Variants in RCL1 observed in about 807,000 individuals in gnomAD.
RCL1 encodes RNA 3'-terminal phosphate cyclase-like protein.
A neutral mutation model predicts 42.4 loss-of-function variants in RCL1; 24 were observed. The observed-to-expected ratio is 0.57, with a 90% CI of 0.41 to 0.80. The LOEUF is 0.80. Ranked by LOEUF, RCL1 falls within the 30% of genes least tolerant of loss-of-function variation. The probability of loss-of-function intolerance (pLI) is 0.00; values close to 1 mark genes in which losing one functional copy is unlikely to be tolerated. For missense variants in RCL1, 578 were observed against 467.9 expected, an observed-to-expected ratio of 1.24 and a Z score of -2.17; for synonymous variants, 228 against 177.3, an observed-to-expected ratio of 1.29 and a Z score of -2.27.
chr9:4,841,057 TATA>T (rs1365556002), intron 5 of RCL1, 172 bp from the exon 6 acceptor site: 1 of 661,846 alleles, frequency 1.5e-6, no homozygotes, highest in Non-Finnish European at 2.5e-6. Flanking sequence ...CATGACCTTT[TATA>T]ATAATGAAAA....
At chr9:4,794,250 C>T (rs1369137241) in intron 1 of RCL1, among the ~76,000 whole-genome samples, 1 of 152,194 alleles carries the variant, frequency 6.6e-6, no homozygotes, top group Non-Finnish European at 1.5e-5. Context: ...CTCTGCCTCT[C>T]TTGGGTGGTG....
rs749534979 is a variant in RCL1, at chr9:4,844,603, C to T, written c.789C>T (p.Pro263=). 1 of 1,614,070 alleles carries T rather than the reference C, an allele frequency of 6.2e-7. No individual in the cohort carries two copies. The highest frequency in any genetic ancestry group is 1.3e-5 in the African/African-American group (1 of 75,052). ...TCAGTGCTGAACTGGCCTCCAACCCCCAGGGCCAGGGAGCAGCAGTACTTC... is the reference window on the plus strand; with the variant it reads ...TCAGTGCTGAACTGGCCTCCAACCCTCAGGGCCAGGGAGCAGCAGTACTTC... ...TFLSAELASN[P]QGQGAAVLPE... The change falls in exon 7 of 9, where the codon CCC becomes CCT. Residue 263 remains proline, a synonymous_variant. Transcript: ENST00000381750.
intron 1 of RCL1, among the ~76,000 whole-genome samples, chr9:4,802,525 A>T (rs1404306542): frequency 1.3e-5 from 2 of 152,200 alleles, no homozygotes; most frequent in Non-Finnish European, 2.9e-5. Flanking sequence ...TTTTCCCCAG[A>T]TGAAATATTA....
At chr9:4,842,403 GA>G (rs1457565077) in intron 6 of RCL1, among the ~76,000 whole-genome samples, 1 of 152,170 alleles carries the variant, frequency 6.6e-6, no homozygotes, top group Non-Finnish European at 1.5e-5. Context: ...AGGCCCAATG[GA>G]AAGATGAAGG....
chr9:4,805,682 G>A (rs1815923494), intron 1 of RCL1, among the ~76,000 whole-genome samples: 1 of 152,134 alleles, frequency 6.6e-6, no homozygotes, highest in African/African-American at 2.4e-5. Flanking sequence ...AGTGGTGGGT[G>A]TAGCTGAGGG....
intron 7 of RCL1, among the ~76,000 whole-genome samples, chr9:4,845,002 C>G (rs1378622353): frequency 6.6e-6 from 1 of 152,154 alleles, no homozygotes; most frequent in Admixed American, 6.6e-5. Context: ...ACACACTGCC[C>G]TAGCCAAAGA....
chr9:4,809,413 G>A (rs866547595), intron 1 of RCL1, among the ~76,000 whole-genome samples: 6 of 151,850 alleles, frequency 4.0e-5, no homozygotes, highest in Admixed American at 2.6e-4. Context: ...GGATTCAAGC[G>A]ATTCCCCTGC....
At position 4,801,700 on chromosome 9, in the gene RCL1, G is replaced by A. The variant is rs990078849; in HGVS notation, c.136+8473G>A. Among the ~76,000 whole-genome samples, 9 of 150,144 alleles carry A rather than the reference G, an allele frequency of 6.0e-5. No homozygotes were observed. The South Asian group carries it at 6.3e-4, about 10-fold the overall frequency. On this transcript the variant is annotated intron_variant, in intron 1 of 8. Coordinates refer to ENST00000381750, the MANE Select transcript of RCL1 (RefSeq NM_005772.5). ...GAACTCTTTGCCTAGCTTTAGGTGC[G>A]AGACTTGGGTTGCGATTCTTTTTTT...
intron 3 of RCL1, among the ~76,000 whole-genome samples, chr9:4,828,337 C>A (rs911670081): frequency 1.3e-5 from 2 of 152,034 alleles, no homozygotes; most frequent in African/African-American, 2.4e-5. Context: ...GCTGTGAGCC[C>A]CAAAGTAGAG....
At chr9:4,836,454 T>A (rs372847286) in intron 5 of RCL1, among the ~76,000 whole-genome samples, 2 of 152,138 alleles carry the variant, frequency 1.3e-5, no homozygotes, top group African/African-American at 4.8e-5. Flanking sequence ...ATACATGTAC[T>A]GTGTAGGACA....
chr9:4,856,456 TA>T (rs1236049837), intron 8 of RCL1, among the ~76,000 whole-genome samples: 1 of 152,240 alleles, frequency 6.6e-6, no homozygotes, highest in Non-Finnish European at 1.5e-5. Flanking sequence ...TTACTGAGGC[TA>T]AATTCTATTC....
intron 8 of RCL1, among the ~76,000 whole-genome samples, chr9:4,855,320 G>A (rs1817913649): frequency 6.6e-6 from 1 of 150,876 alleles, no homozygotes; most frequent in East Asian, 2.0e-4. Flanking sequence ...CTGTGTGGGT[G>A]GTTACTCATT....
At chr9:4,844,934 A>G (rs1817462255) in intron 7 of RCL1, among the ~76,000 whole-genome samples, 1 of 152,326 alleles carries the variant, frequency 6.6e-6, no homozygotes, top group South Asian at 2.1e-4. Flanking sequence ...GAACTGGAAC[A>G]GTCATAAAGG....
Position 4,845,683 on chromosome 9 carries a change from A to C in RCL1, c.867+1002A>C, listed in dbSNP as rs1293015957. Among the ~76,000 whole-genome samples the C allele has an allele frequency of 2.0e-5, 3 of 152,224 alleles. No homozygotes were observed. The East Asian group carries it at 5.8e-4, about 29-fold the overall frequency. On this transcript the variant is annotated intron_variant, in intron 7 of 8. Transcript: ENST00000381750. Reference sequence around the variant, plus strand: ...AAGAAGGTGAAACCTTTTCTCTGACATGCAGAGTCCAGGAAAGGCTCTGAA... The same window carrying C: ...AAGAAGGTGAAACCTTTTCTCTGACCTGCAGAGTCCAGGAAAGGCTCTGAA...
chr9:4,838,165 C>G (rs1817200039), intron 5 of RCL1, among the ~76,000 whole-genome samples: 1 of 152,152 alleles, frequency 6.6e-6, no homozygotes, highest in South Asian at 2.1e-4. Flanking sequence ...TTGTATTTCC[C>G]ATGGGAGGGC....
intron 3 of RCL1, chr9:4,827,377 G>A: frequency 1.1e-6 from 1 of 886,136 alleles, no homozygotes; most frequent in Non-Finnish European, 1.6e-6. Flanking sequence ...GGTAGCTGAG[G>A]CTGGAGGGCA....
At position 4,823,588 on chromosome 9, in the gene RCL1, G is replaced by T. The variant is rs768617640; in HGVS notation, c.177G>T (p.Thr59=). The T allele has an allele frequency of 2.7e-5, 44 of 1,611,342 alleles. 2 individuals carry two copies. The South Asian group carries it at 4.3e-4, about 16-fold the overall frequency. Residue 59 remains threonine, a synonymous_variant, in exon 2 of 9, where the codon ACG becomes ACT. Coordinates refer to ENST00000381750, the MANE Select transcript of RCL1 (RefSeq NM_005772.5). ...ASFIRLLDKI[T]NGSRIEINQT... is the part of the protein sequence containing the mutation. ...TCATAAGGCTATTGGACAAAATAACGAATGGTTCTCGAATTGAAATAAACC... is the reference window on the plus strand; with the variant it reads ...TCATAAGGCTATTGGACAAAATAACTAATGGTTCTCGAATTGAAATAAACC...
intron 5 of RCL1, 69 bp from the exon 6 acceptor site, chr9:4,841,163 C>T (rs746658408): frequency 2.5e-6 from 4 of 1,581,488 alleles, no homozygotes. Flanking sequence ...AAATACTTGC[C>T]AGCTTTATAA....
chr9:4,838,128 G>C (rs1817199104), intron 5 of RCL1, among the ~76,000 whole-genome samples: 1 of 152,230 alleles, frequency 6.6e-6, no homozygotes, highest in African/African-American at 2.4e-5. Flanking sequence ...TTGCAAGGCT[G>C]GTTGACTACT....
Sources: allele counts gnomAD v4.1 joint callset (sites outside exome capture counted in the v4.1 genomes callset), GRCh38; gene constraint gnomAD v4.1.1; transcripts MANE v1.5; gene names NCBI Gene and HGNC (gene_info 2026-07-23, HGNC 2026-07-21).